Variants in COP1 observed in about 807,000 individuals in gnomAD.
COP1 encodes COP1 E3 ubiquitin ligase.
In COP1, 24 loss-of-function variants were observed where a neutral mutation model predicts 101.3. The observed-to-expected ratio is 0.24, with a 90% CI of 0.17 to 0.33. The LOEUF is 0.33. COP1 is among the 10% of genes least tolerant of loss of function. The probability of loss-of-function intolerance (pLI) is 1.00; values close to 1 mark genes in which losing one functional copy is unlikely to be tolerated. For synonymous variants in COP1, 347 were observed against 341.9 expected, an observed-to-expected ratio of 1.01 and a Z score of -0.17; for missense variants, 663 against 906.2, an observed-to-expected ratio of 0.73 and a Z score of 3.45.
intron 2 of COP1, among the ~76,000 whole-genome samples, chr1:176,180,924 G>C (rs1258518946): frequency 6.6e-6 from 1 of 152,174 alleles, no homozygotes; most frequent in African/African-American, 2.4e-5. Context: ...AGATGACGAT[G>C]CTGAAGGACC....
intron 18 of COP1, among the ~76,000 whole-genome samples, chr1:175,955,616 A>C (rs1650527223): frequency 1.3e-5 from 2 of 152,196 alleles, no homozygotes; most frequent in Non-Finnish European, 2.9e-5. Context: ...CACTAGAATA[A>C]ATAAATTGTC....
intron 18 of COP1, chr1:175,982,419 ACTT>A: frequency 2.2e-6 from 1 of 456,354 alleles, no homozygotes; most frequent in Non-Finnish European, 4.4e-6. Flanking sequence ...GACCAACCCC[ACTT>A]CTTTCTCCTC....
intron 9 of COP1, among the ~76,000 whole-genome samples, chr1:176,101,489 T>C (rs2149506640): frequency 6.6e-6 from 1 of 152,272 alleles, no homozygotes; most frequent in South Asian, 2.1e-4. Context: ...TATGGGACAC[T>C]CCCCTTGGAT....
intron 9 of COP1, among the ~76,000 whole-genome samples, chr1:176,114,753 A>G (rs1685898393): frequency 6.6e-6 from 1 of 151,990 alleles, no homozygotes; most frequent in Non-Finnish European, 1.5e-5. Context: ...ATACCCAACT[A>G]ATTTTTTTGT....
chr1:176,096,208 T>C (rs1050411336), intron 9 of COP1, among the ~76,000 whole-genome samples: 3 of 152,162 alleles, frequency 2.0e-5, no homozygotes, highest in Non-Finnish European at 2.9e-5. Context: ...GTGAGTAAAA[T>C]GTGAACCCAA....
chr1:175,992,852 A>C (rs7527463), intron 15 of COP1, among the ~76,000 whole-genome samples: 1 of 151,980 alleles, frequency 6.6e-6, no homozygotes, highest in South Asian at 2.1e-4. Flanking sequence ...ACCTCTGCAG[A>C]CTTAAATGTC....
At position 176,149,090 on chromosome 1, in the gene COP1, A is replaced by G; in HGVS notation, c.763-16T>C. ...CATGTGATTCCTACAATAGAAAATTATAATTTTTCTTTTAAAAAATATAAC... is the reference window on the plus strand; with the variant it reads ...CATGTGATTCCTACAATAGAAAATTGTAATTTTTCTTTTAAAAAATATAAC... On this transcript the variant is annotated splice_polypyrimidine_tract_variant and intron_variant, in intron 5 of 19. Coordinates refer to ENST00000367669, the MANE Select transcript of COP1 (RefSeq NM_022457.7). 1 of 1,513,022 alleles carries G rather than the reference A, an allele frequency of 6.6e-7. No homozygotes were observed. The highest frequency in any genetic ancestry group is 2.3e-5 in the East Asian group (1 of 43,638). 93.7% of individuals were successfully genotyped at this position (1,513,022 alleles called of 1,614,324 possible).
rs916372697 is a variant in COP1, at chr1:176,207,208, C to A, written c.-230G>T. The A allele has an allele frequency of 5.0e-6, 2 of 403,658 alleles. No individual in the cohort carries two copies. The highest frequency in any genetic ancestry group is 4.1e-5 in the African/African-American group (2 of 48,608). The allele number at this position is 403,658 out of a possible 1,614,324, so 25.0% of individuals were successfully genotyped here. A position where few individuals can be genotyped will look rare whatever the true frequency, so the allele number is the denominator to read the frequency against. The stretch of plus-strand genomic sequence containing the variant: ...GCGGAGTAGAAGGCACTACCGCTGT[C>A]GAGGCCGCCGCCGCCACCGCGGTCC... On this transcript the variant is annotated 5_prime_UTR_variant, in exon 1 of 20. Coordinates refer to ENST00000367669, the MANE Select transcript of COP1 (RefSeq NM_022457.7).
chr1:176,156,906 A>G (rs1693534635), intron 5 of COP1, among the ~76,000 whole-genome samples: 1 of 152,174 alleles, frequency 6.6e-6, no homozygotes. Flanking sequence ...CAAATTTAAT[A>G]ATATTAACTG....
chr1:176,001,581 A>G (rs1332861641), intron 15 of COP1, among the ~76,000 whole-genome samples: 1 of 152,188 alleles, frequency 6.6e-6, no homozygotes, highest in Non-Finnish European at 1.5e-5. Context: ...AAGTGCCACC[A>G]GCAAGTATTC....
chr1:176,060,054 G>A (rs1350678616), intron 11 of COP1, among the ~76,000 whole-genome samples: 3 of 151,890 alleles, frequency 2.0e-5, no homozygotes, highest in Admixed American at 1.3e-4. Context: ...TATTCCATAG[G>A]CACTAAATTG....
chr1:176,085,589 C>T (rs888761303), intron 10 of COP1, among the ~76,000 whole-genome samples, 187 bp downstream of exon 10: 1 of 151,998 alleles, frequency 6.6e-6, no homozygotes, highest in African/African-American at 2.4e-5. Context: ...AAATATAGAA[C>T]AAAAAATAGT....
chr1:176,143,757 G>C (rs1177605948), intron 6 of COP1, among the ~76,000 whole-genome samples: 4 of 151,980 alleles, frequency 2.6e-5, no homozygotes, highest in Non-Finnish European at 5.9e-5. Flanking sequence ...GACACCCCTG[G>C]GCCAATCAGG....
At chr1:175,996,506 C>A (rs1660194288) in intron 15 of COP1, among the ~76,000 whole-genome samples, 1 of 152,022 alleles carries the variant, frequency 6.6e-6, no homozygotes, top group East Asian at 1.9e-4. Flanking sequence ...ACCCCATCGT[C>A]TCAGCCCAAA....
intron 8 of COP1, among the ~76,000 whole-genome samples, chr1:176,121,827 T>C (rs550809504): frequency 6.6e-6 from 1 of 151,972 alleles, no homozygotes; most frequent in Non-Finnish European, 1.5e-5. Context: ...TTTTTAGCAA[T>C]ATGTAGATTT....
intron 18 of COP1, among the ~76,000 whole-genome samples, chr1:175,975,488 C>A (rs531337453): frequency 3.6e-4 from 55 of 152,284 alleles, no homozygotes; most frequent in African/African-American, 1.2e-3. Flanking sequence ...CGGCTCACTG[C>A]AATCTCTGCC....
intron 3 of COP1, among the ~76,000 whole-genome samples, chr1:176,170,680 G>A (rs1480624648): frequency 6.6e-6 from 1 of 152,134 alleles, no homozygotes; most frequent in Non-Finnish European, 1.5e-5. Context: ...AAGGGCTCTA[G>A]GATTTTCAAA....
At chr1:176,195,501 A>T (rs1413082848) in intron 1 of COP1, among the ~76,000 whole-genome samples, 2 of 152,348 alleles carry the variant, frequency 1.3e-5, no homozygotes, top group East Asian at 3.9e-4. Flanking sequence ...ACCTCAGCCT[A>T]CACATGGCAG....
intron 15 of COP1, among the ~76,000 whole-genome samples, chr1:176,024,103 C>A (rs551907319): frequency 6.6e-6 from 1 of 152,130 alleles, no homozygotes; most frequent in Admixed American, 6.6e-5. Flanking sequence ...ACTAGAAATA[C>A]AAAAAATTAG....
Sources: gnomAD v4.1 joint callset for allele counts (sites outside exome capture counted in the v4.1 genomes callset) on GRCh38, gnomAD v4.1.1 for gene constraint, MANE v1.5 for transcripts, NCBI Gene and HGNC (gene_info 2026-07-23, HGNC 2026-07-21) for gene names.